CYP4B1: variants seen among roughly 807,000 people sequenced by gnomAD.
CYP4B1 encodes the protein cytochrome P450 4B1.
CYP4B1 carries 45 observed loss-of-function variants against 54.0 expected under a neutral mutation model. The observed-to-expected ratio is 0.83, with a 90% CI of 0.66 to 1.07. The LOEUF (loss-of-function observed/expected upper bound fraction) is 1.07. Among genes scored for constraint, CYP4B1 ranks in the 50% least tolerant of loss-of-function variants. CYP4B1 has a pLI of 0.00. For synonymous variants in CYP4B1, 248 were observed against 247.5 expected (o/e 1.00, Z -0.02); for missense variants, 656 against 655.4 (o/e 1.00, Z -0.01).
intron 1 of CYP4B1, among the ~76,000 whole-genome samples, chr1:46,808,055 T>C (rs1678930172): frequency 6.6e-6 from 1 of 151,898 alleles, no homozygotes. Context: ...CTGCTATTCA[T>C]GAGGAGGAGC....
chr1:46,813,858 C>G, intron 5 of CYP4B1, 51 bp from the exon 6 acceptor site: 2 of 1,597,450 alleles, frequency 1.3e-6, no homozygotes, highest in Non-Finnish European at 1.7e-6. Flanking sequence ...TTCTCTGGCT[C>G]TGCTCCTGGG....
chr1:46,801,927 G>A (rs1262374878), intron 1 of CYP4B1, among the ~76,000 whole-genome samples: 1 of 152,186 alleles, frequency 6.6e-6, no homozygotes, highest in Admixed American at 6.5e-5. Flanking sequence ...TAAAGGGACT[G>A]GGGGCAGGGA....
In CYP4B1 at chr1:46,800,212, T is replaced by TC. The variant is rs1365086149; in HGVS notation, c.180+951_180+952insC. ...TTCTTTCTTTCTCTTTCTTTCTTTCTTTCTCTTTCTCTCTTTCTTTCTTTC... is the reference window on the plus strand; with the variant it reads ...TTCTTTCTTTCTCTTTCTTTCTTTCTCTTCTCTTTCTCTCTTTCTTTCTTTC... On this transcript the variant is annotated intron_variant, in intron 1 of 11. Transcript: ENST00000371923. Among the ~76,000 whole-genome samples, 311 of 31,980 alleles carry TC rather than the reference T, an allele frequency of 9.7e-3. 32 individuals carry two copies. In the East Asian group the frequency reaches 0.33, roughly 34 times the overall value. The allele number at this position is 31,980 out of a possible 152,430, so 21.0% of individuals were successfully genotyped here. A position where few individuals can be genotyped will look rare whatever the true frequency, so the allele number is the denominator to read the frequency against.
At chr1:46,809,559 A>G (rs79550295) in intron 1 of CYP4B1, among the ~76,000 whole-genome samples, 3,449 of 152,302 alleles carry the variant, frequency 0.023, 133 homozygotes, top group African/African-American at 0.079. Context: ...CTAAAATGGG[A>G]CCACTTAGAG....
chr1:46,817,540 G>C (rs1047748579), intron 9 of CYP4B1, among the ~76,000 whole-genome samples: 2 of 152,220 alleles, frequency 1.3e-5, no homozygotes, highest in Non-Finnish European at 2.9e-5. Context: ...CTGCACAACT[G>C]TATGTGGTAG....
At position 46,811,196 on chromosome 1, in the gene CYP4B1, C is replaced by A; in HGVS notation, c.367+12C>A. On this transcript the variant is annotated intron_variant, in intron 3 of 11. Coordinates refer to ENST00000371923, the MANE Select transcript of CYP4B1 (RefSeq NM_001099772.2). ...CCTCCAGTGGATTGGTGAGTGAGCA[C>A]CTGCCTTCCCTGCCCTGCCAACCTC... 1 of 1,613,822 alleles carries A rather than the reference C, an allele frequency of 6.2e-7. No individual in the cohort carries two copies. The highest frequency in any genetic ancestry group is 8.5e-7 in the Non-Finnish European group (1 of 1,179,776).
intron 1 of CYP4B1, chr1:46,806,700 A>T (rs1039169006): frequency 2.0e-5 from 3 of 152,232 alleles, no homozygotes; most frequent in Non-Finnish European, 4.4e-5. Context: ...CCAGTGGTTT[A>T]TTTCTGGTGA....
chr1:46,808,479 T>G (rs1678951580), intron 1 of CYP4B1, among the ~76,000 whole-genome samples: 1 of 151,684 alleles, frequency 6.6e-6, no homozygotes, highest in Non-Finnish European at 1.5e-5. Flanking sequence ...TTCGCCCACT[T>G]TTTGATGGGG....
chr1:46,800,490 C>A (rs1272807249), intron 1 of CYP4B1, among the ~76,000 whole-genome samples: 1 of 151,894 alleles, frequency 6.6e-6, no homozygotes, highest in Non-Finnish European at 1.5e-5. Context: ...GCCACCATGC[C>A]TAGCTAATTT....
intron 7 of CYP4B1, 195 bp from the exon 8 acceptor site, chr1:46,814,879 G>A (rs1284177485): frequency 5.0e-6 from 3 of 594,352 alleles, no homozygotes; most frequent in Admixed American, 3.0e-5. Context: ...ATTTAGGGAG[G>A]GCTTTGTGGA....
At chr1:46,813,407 G>A in intron 4 of CYP4B1, 75 bp from the exon 5 acceptor site, 1 of 1,594,906 alleles carries the variant, frequency 6.3e-7, no homozygotes, top group Non-Finnish European at 8.6e-7. Context: ...GGGTCCTGGA[G>A]GGCAGCTTGG....
chr1:46,813,598 G>A lies in CYP4B1; in HGVS notation c.612G>A (p.Leu204=). 1.2e-6 allele frequency: 2 copies of A among 1,613,958 alleles called. No homozygotes were observed. The highest frequency in any genetic ancestry group is 2.2e-5 in the South Asian group (2 of 91,084). The change falls in exon 5 of 12, where the codon CTG becomes CTA. Residue 204 remains leucine, a synonymous_variant. Coordinates refer to ENST00000371923, the MANE Select transcript of CYP4B1 (RefSeq NM_001099772.2). Reference sequence around the variant, plus strand: ...CCTTTGGAAGAGGAGACACCGGCCTGGGCCACAGGTCAGGAGCCACCTCGG... The same window carrying A: ...CCTTTGGAAGAGGAGACACCGGCCTAGGCCACAGGTCAGGAGCCACCTCGG... ...KCTFGRGDTG[L]GHSRDSSYYL... is the part of the protein sequence containing the mutation.
intron 1 of CYP4B1, among the ~76,000 whole-genome samples, chr1:46,805,187 G>T (rs1472281390): frequency 2.0e-5 from 3 of 152,158 alleles, no homozygotes; most frequent in Non-Finnish European, 2.9e-5. Flanking sequence ...TGGACTCTTG[G>T]GCATTTCTTG....
At chr1:46,812,936 G>A (rs1220791097) in intron 4 of CYP4B1, among the ~76,000 whole-genome samples, 2 of 152,198 alleles carry the variant, frequency 1.3e-5, no homozygotes, top group African/African-American at 4.8e-5. Flanking sequence ...TAGCATAGCA[G>A]GTTTGAGGAC....
Position 46,799,275 on chromosome 1 carries a change from G to A in CYP4B1, c.180+14G>A, listed in dbSNP as rs45518538. The A allele has an allele frequency of 2.0e-3, 3,159 of 1,563,180 alleles. 38 individuals carry two copies. In the African/African-American group the frequency reaches 0.029, roughly 14 times the overall value. ...CATGCCCTCGAGGTATGTGGAGGTC[G>A]GGAGGGTGGGGGAGAAAGAAAACAT... On this transcript the variant is annotated intron_variant, in intron 1 of 11. Transcript: ENST00000371923.
intron 8 of CYP4B1, 116 bp from the exon 9 acceptor site, chr1:46,816,932 C>T (rs1008667187): frequency 2.4e-5 from 30 of 1,241,552 alleles, no homozygotes; most frequent in Non-Finnish European, 4.6e-6. Flanking sequence ...AACTCTGTGC[C>T]TCTGACTCTT....
intron 1 of CYP4B1, 60 bp from the exon 2 acceptor site, chr1:46,810,748 T>A (rs1679062949): frequency 3.1e-6 from 5 of 1,601,142 alleles, no homozygotes; most frequent in African/African-American, 1.3e-5. Context: ...CCCAGGGACT[T>A]GGGGCCTAGC....
intron 1 of CYP4B1, among the ~76,000 whole-genome samples, chr1:46,807,622 T>G (rs1678912695): frequency 6.6e-6 from 1 of 152,242 alleles, no homozygotes. Context: ...TATCACTTTG[T>G]GTTCTTTTTG....
chr1:46,802,923 T>C (rs1678718126), intron 1 of CYP4B1, among the ~76,000 whole-genome samples: 1 of 152,172 alleles, frequency 6.6e-6, no homozygotes, highest in Non-Finnish European at 1.5e-5. Context: ...GAAGGTGCTC[T>C]CTGTGCAAAA....
Sources: gnomAD v4.1 joint callset for allele counts (sites outside exome capture counted in the v4.1 genomes callset) on GRCh38, gnomAD v4.1.1 for gene constraint, MANE v1.5 for transcripts, NCBI Gene and HGNC (gene_info 2026-07-23, HGNC 2026-07-21) for gene names.